CDK6: variants seen among roughly 807,000 people sequenced by gnomAD.
The protein encoded by CDK6 is cyclin-dependent kinase 6.
In CDK6, 6 loss-of-function variants were observed where a neutral mutation model predicts 37.1. The ratio of observed to expected loss-of-function variants is 0.16; its 90% CI spans 0.09 to 0.32. CDK6 has a LOEUF of 0.32. Among genes scored for constraint, CDK6 ranks in the 10% least tolerant of loss-of-function variants. The pLI is 1.00. For synonymous variants in CDK6, 160 were observed against 161.3 expected, an observed-to-expected ratio of 0.99 and a Z score of 0.06; for missense variants, 224 against 418.9, an observed-to-expected ratio of 0.53 and a Z score of 4.06.
intron 2 of CDK6, among the ~76,000 whole-genome samples, chr7:92,810,471 A>AGG (rs1205676809): frequency 2.4e-4 from 37 of 152,232 alleles, no homozygotes; most frequent in Non-Finnish European, 5.0e-4. Flanking sequence ...TTTATCTGCA[A>AGG]GACGGGAATA....
intron 3 of CDK6, among the ~76,000 whole-genome samples, chr7:92,771,825 C>A (rs1422895778): frequency 6.6e-6 from 1 of 152,144 alleles, no homozygotes; most frequent in Admixed American, 6.5e-5. Context: ...TTCAGAATAA[C>A]AATATTTGCT....
intron 2 of CDK6, among the ~76,000 whole-genome samples, chr7:92,794,501 C>G (rs980735743): frequency 4.6e-5 from 7 of 152,126 alleles, no homozygotes; most frequent in African/African-American, 1.7e-4. Flanking sequence ...AAAATACTTA[C>G]AGTTGCTAGA....
chr7:92,622,850 T>C (rs1385596041), intron 6 of CDK6, among the ~76,000 whole-genome samples, 186 bp downstream of exon 6: 1 of 152,000 alleles, frequency 6.6e-6, no homozygotes, highest in East Asian at 1.9e-4. Context: ...GCAGAGCAGT[T>C]AGGGCTCTGC....
chr7:92,759,774 T>G (rs1799409616), intron 3 of CDK6, among the ~76,000 whole-genome samples: 1 of 151,636 alleles, frequency 6.6e-6, no homozygotes, highest in African/African-American at 2.4e-5. Context: ...TTGGCATCAC[T>G]TTCCCCTTTT....
intron 4 of CDK6, among the ~76,000 whole-genome samples, chr7:92,673,562 T>C (rs1797137090): frequency 6.6e-6 from 1 of 152,076 alleles, no homozygotes; most frequent in African/African-American, 2.4e-5. Flanking sequence ...CCTCCCAGAG[T>C]ATTTTCCATC....
intron 5 of CDK6, among the ~76,000 whole-genome samples, chr7:92,645,403 G>T (rs1158458845): frequency 6.6e-6 from 1 of 152,186 alleles, no homozygotes; most frequent in Non-Finnish European, 1.5e-5. Context: ...GTACAAGAAA[G>T]ATAAGTAAAT....
intron 4 of CDK6, among the ~76,000 whole-genome samples, chr7:92,673,698 T>C (rs1562931645): frequency 6.6e-6 from 1 of 152,192 alleles, no homozygotes; most frequent in Admixed American, 6.5e-5. Flanking sequence ...CTTAGGTGTA[T>C]AGGTCTTATC....
Position 92,774,627 on chromosome 7 carries a change from A to G in CDK6, c.369+69T>C, listed in dbSNP as rs777656432. The G allele has an allele frequency of 1.8e-4, 239 of 1,355,950 alleles. 3 individuals carry two copies. Among genetic ancestry groups the G allele is most frequent in the Non-Finnish European group, 7.6e-5 (77 of 1,009,868 alleles). The allele number at this position is 1,355,950 out of a possible 1,614,324, so 84.0% of individuals were successfully genotyped here. On this transcript the variant is annotated intron_variant, in intron 3 of 7. Coordinates refer to ENST00000424848, the MANE Select transcript of CDK6 (RefSeq NM_001145306.2). ...GTAATTGTGGCAATTTTCATAAGGA[A>G]AGAAAGCCATTGCTTAACAGACTAT...
At chr7:92,789,525 A>G (rs1251212144) in intron 2 of CDK6, among the ~76,000 whole-genome samples, 1 of 152,226 alleles carries the variant, frequency 6.6e-6, no homozygotes, top group African/African-American at 2.4e-5. Context: ...AAAGGACAGA[A>G]CTGTACAGAA....
In CDK6 at chr7:92,661,586, G is replaced by A. The variant is rs546007255; in HGVS notation, c.647+9840C>T. Among the ~76,000 whole-genome samples, 5 of 152,170 alleles carry A rather than the reference G, an allele frequency of 3.3e-5. No homozygotes were observed. The South Asian group carries it at 1.0e-3, about 32-fold the overall frequency. On this transcript the variant is annotated intron_variant, in intron 5 of 7. Coordinates refer to ENST00000424848, the MANE Select transcript of CDK6 (RefSeq NM_001145306.2). The stretch of plus-strand genomic sequence containing the variant: ...ATGTTATTAAGAAAATCATGAGAAT[G>A]AGAAAATATATTTACTATTCATTAA...
chr7:92,833,971 G>T lies in CDK6; in HGVS notation c.-367-281C>A. On this transcript the variant is annotated intron_variant, in intron 1 of 7. Transcript: ENST00000424848. This position sits in a 1 kb window ranked among gnomAD's most constrained non-coding sequence, Gnocchi z 6.1. ...GCGCGGGACGCAGTGGAACGGGAGG[G>T]GGCGTGCCGAGCAGCCCAGAGTGTG... The T allele has an allele frequency of 2.5e-6, 1 of 398,608 alleles. No homozygotes were observed. The highest frequency in any genetic ancestry group is 1.3e-4 in the South Asian group (1 of 7,838). 24.7% of individuals were successfully genotyped at this position (398,608 alleles called of 1,614,324 possible). A position where few individuals can be genotyped will look rare whatever the true frequency, so the allele number is the denominator to read the frequency against.
intron 4 of CDK6, among the ~76,000 whole-genome samples, chr7:92,718,628 C>T (rs576946086): frequency 1.4e-4 from 21 of 152,296 alleles, no homozygotes; most frequent in African/African-American, 3.6e-4. Flanking sequence ...TTGCATGACG[C>T]GCACATTCAC....
At chr7:92,717,744 A>G (rs1798266054) in intron 4 of CDK6, among the ~76,000 whole-genome samples, 1 of 152,038 alleles carries the variant, frequency 6.6e-6, no homozygotes, top group East Asian at 1.9e-4. Flanking sequence ...CAAATGAATG[A>G]CTATCTTTTA....
At chr7:92,683,390 AG>A (rs1461375664) in intron 4 of CDK6, among the ~76,000 whole-genome samples, 1 of 152,212 alleles carries the variant, frequency 6.6e-6, no homozygotes. Context: ...AATGAGTACT[AG>A]CAGGTTATAT....
At chr7:92,819,719 A>C (rs926817655) in intron 2 of CDK6, among the ~76,000 whole-genome samples, 1 of 152,118 alleles carries the variant, frequency 6.6e-6, no homozygotes, top group Non-Finnish European at 1.5e-5. Context: ...ACAGAAAACC[A>C]GAGGAGGATG....
At chr7:92,665,844 C>T (rs796136200) in intron 5 of CDK6, among the ~76,000 whole-genome samples, 1 of 152,208 alleles carries the variant, frequency 6.6e-6, no homozygotes, top group Non-Finnish European at 1.5e-5. Context: ...CAAAGGCGAT[C>T]GAGTCAGGCA....
At chr7:92,693,333 A>G (rs1797637933) in intron 4 of CDK6, among the ~76,000 whole-genome samples, 1 of 152,210 alleles carries the variant, frequency 6.6e-6, no homozygotes, top group Non-Finnish European at 1.5e-5. Context: ...AACCCTGATC[A>G]GCACTCCCTC....
chr7:92,802,468 A>G (rs1800605270), intron 2 of CDK6, among the ~76,000 whole-genome samples: 1 of 152,178 alleles, frequency 6.6e-6, no homozygotes, highest in Non-Finnish European at 1.5e-5. Context: ...ATTTTCTAAA[A>G]TTATGGGCTA....
rs2116474419 is a variant in CDK6 at position 92,614,449 on chromosome 7, G to A, written c.*691C>T. On this transcript the variant is annotated 3_prime_UTR_variant, in exon 8 of 8. Transcript: ENST00000424848. ...CATGCACATCTCTTAAAATATACTA[G>A]AATTTTTTCTCCTTTTTGCTGTGTG... 4.3e-6 allele frequency: 1 copy of A among 233,116 alleles called. No individual in the cohort carries two copies. Among genetic ancestry groups the A allele is most frequent in the Admixed American group, 5.6e-5 (1 of 17,790 alleles). 14.4% of individuals were successfully genotyped at this position (233,116 alleles called of 1,614,324 possible). A position where few individuals can be genotyped will look rare whatever the true frequency, so the allele number is the denominator to read the frequency against.
Sources: allele counts gnomAD v4.1 joint callset (sites outside exome capture counted in the v4.1 genomes callset), GRCh38; gene constraint gnomAD v4.1.1; non-coding constraint Gnocchi (gnomAD v3.1); transcripts MANE v1.5; gene names NCBI Gene and HGNC (gene_info 2026-07-23, HGNC 2026-07-21).